TTC39B: variants seen among roughly 807,000 people sequenced by gnomAD.
TTC39B encodes tetratricopeptide repeat domain 39B.
TTC39B carries 92 observed loss-of-function variants against 96.6 expected under a neutral mutation model. That is an observed-to-expected ratio of 0.95 (90% CI 0.80 to 1.13). The LOEUF is 1.13. Ranked by LOEUF, TTC39B falls within the 50% of genes most tolerant of loss-of-function variation. The pLI, the probability that TTC39B is intolerant of heterozygous loss-of-function variation, is 0.00. For missense variants in TTC39B, 955 were observed against 809.3 expected (o/e 1.18, Z -2.18); for synonymous variants, 367 against 299.4 (o/e 1.23, Z -2.33).
At position 15,169,026 on chromosome 9, in the gene TTC39B, A is replaced by C. The variant is rs1365177925; in HGVS notation, c.*2993T>G. ...AATCATAGAGTGACCTCAAAGTTCA[A>C]CTAGTCTAAGCTTGCAGGACAGGCA... On this transcript the variant is annotated 3_prime_UTR_variant, in exon 20 of 20. Coordinates refer to ENST00000512701, the Ensembl canonical transcript of TTC39B. 5 of 152,210 alleles carry C rather than the reference A, an allele frequency of 3.3e-5. No homozygotes were observed. The East Asian group carries it at 9.6e-4, about 29-fold the overall frequency. 9.4% of individuals were successfully genotyped at this position (152,210 alleles called of 1,614,324 possible). A position where few individuals can be genotyped will look rare whatever the true frequency, so the allele number is the denominator to read the frequency against.
At chr9:15,241,089 A>G (rs1372767034) in intron 2 of TTC39B, among the ~76,000 whole-genome samples, 1 of 152,198 alleles carries the variant, frequency 6.6e-6, no homozygotes, top group Non-Finnish European at 1.5e-5. Context: ...TCTTTGGCAG[A>G]TGAGAAAAAT....
At chr9:15,208,878 T>A (rs749719568) in intron 6 of TTC39B, among the ~76,000 whole-genome samples, 6 of 152,224 alleles carry the variant, frequency 3.9e-5, no homozygotes, top group African/African-American at 1.2e-4. Flanking sequence ...AAGTTGATAA[T>A]ACTCATCTAA....
intron 2 of TTC39B, among the ~76,000 whole-genome samples, chr9:15,256,755 C>G (rs1459248969): frequency 6.6e-6 from 1 of 152,120 alleles, no homozygotes; most frequent in African/African-American, 2.4e-5. Flanking sequence ...ACGCTCCAAT[C>G]CGGAGCAGCA....
chr9:15,252,115 A>G (rs1822583114), intron 2 of TTC39B, among the ~76,000 whole-genome samples: 2 of 152,180 alleles, frequency 1.3e-5, no homozygotes, highest in Admixed American at 1.3e-4. Flanking sequence ...AGGCTTTTTC[A>G]AGGAAGGAAA....
intron 7 of TTC39B, among the ~76,000 whole-genome samples, chr9:15,202,817 C>G (rs7876026): frequency 0.29 from 44,497 of 151,838 alleles, 6,782 homozygotes; most frequent in African/African-American, 0.33. Flanking sequence ...ATCTCTACCC[C>G]ACCTCACCCT....
chr9:15,246,083 G>A (rs1280361464), intron 2 of TTC39B, among the ~76,000 whole-genome samples: 1 of 152,034 alleles, frequency 6.6e-6, no homozygotes, highest in African/African-American at 2.4e-5. Flanking sequence ...GAGAAACCCT[G>A]TGTCTAATAA....
At chr9:15,256,802 T>A (rs1201573041) in intron 2 of TTC39B, among the ~76,000 whole-genome samples, 1 of 152,132 alleles carries the variant, frequency 6.6e-6, no homozygotes, top group Admixed American at 6.5e-5. Context: ...ATAAGGCTTG[T>A]GGCTGGAGGG....
chr9:15,245,805 C>G (rs887590648), intron 2 of TTC39B, among the ~76,000 whole-genome samples: 1 of 152,212 alleles, frequency 6.6e-6, no homozygotes, highest in Non-Finnish European at 1.5e-5. Context: ...CTTTCCACAT[C>G]TGTAGACTGA....
intron 2 of TTC39B, among the ~76,000 whole-genome samples, chr9:15,264,308 T>C (rs1351712873): frequency 6.6e-6 from 1 of 152,118 alleles, no homozygotes; most frequent in Non-Finnish European, 1.5e-5. Flanking sequence ...GTATTCAGGA[T>C]TTTTGCTAAA....
chr9:15,223,114 G>A (rs1820937124), intron 3 of TTC39B, among the ~76,000 whole-genome samples: 2 of 152,178 alleles, frequency 1.3e-5, no homozygotes, highest in Non-Finnish European at 2.9e-5. Flanking sequence ...TAGGACAATG[G>A]CAGGAAATTC....
At chr9:15,199,456 C>T (rs1819380994) in intron 8 of TTC39B, among the ~76,000 whole-genome samples, 1 of 151,994 alleles carries the variant, frequency 6.6e-6, no homozygotes, top group African/African-American at 2.4e-5. Flanking sequence ...CCTAGTCAGG[C>T]CAGGCGCGGT....
At chr9:15,210,826 A>T (rs1820154732) in intron 5 of TTC39B, among the ~76,000 whole-genome samples, 2 of 149,766 alleles carry the variant, frequency 1.3e-5, no homozygotes, top group Non-Finnish European at 2.9e-5. Context: ...CTATACACAC[A>T]AAGTAAAGCT....
chr9:15,206,135 T>C (rs1254950679), intron 6 of TTC39B, among the ~76,000 whole-genome samples: 1 of 152,206 alleles, frequency 6.6e-6, no homozygotes, highest in Admixed American at 6.5e-5. Context: ...GAACTTTGTA[T>C]TCTGCAAATA....
intron 1 of TTC39B, among the ~76,000 whole-genome samples, chr9:15,269,915 T>C (rs921903350): frequency 6.0e-5 from 9 of 150,258 alleles, no homozygotes; most frequent in African/African-American, 2.0e-4. Flanking sequence ...ACACCTGTAA[T>C]CCCAACACTT....
At chr9:15,253,442 C>T (rs147068166) in intron 2 of TTC39B, among the ~76,000 whole-genome samples, 1,524 of 152,336 alleles carry the variant, frequency 0.01, 10 homozygotes, top group Non-Finnish European at 0.016. Context: ...AATGGATTCT[C>T]CTCTAGAGCC....
intron 8 of TTC39B, among the ~76,000 whole-genome samples, chr9:15,198,277 T>C (rs1819298471): frequency 6.6e-6 from 1 of 151,770 alleles, no homozygotes; most frequent in Non-Finnish European, 1.5e-5. Context: ...GTCAATATGG[T>C]GAAACCCCGT....
In TTC39B at chr9:15,281,583, C is replaced by T. The variant is rs569063227; in HGVS notation, c.241-13635G>A. On this transcript the variant is annotated intron_variant, in intron 1 of 19. Transcript: ENST00000512701. ...TTCTACATATTAATTTCTGCTAAGACTAAATTATCCTCCACTCCTACCAAC... is the reference window on the plus strand; with the variant it reads ...TTCTACATATTAATTTCTGCTAAGATTAAATTATCCTCCACTCCTACCAAC... 5.0e-5 allele frequency among the ~76,000 whole-genome samples: 6 copies of T among 119,588 alleles called. No homozygotes were observed. The Admixed American group carries it at 6.0e-4, about 12-fold the overall frequency. 78.5% of individuals were successfully genotyped at this position (119,588 alleles called of 152,430 possible). A position where few individuals can be genotyped will look rare whatever the true frequency, so the allele number is the denominator to read the frequency against.
At position 15,288,764 on chromosome 9, in the gene TTC39B, A is replaced by C. The variant is rs183472940; in HGVS notation, c.240+18320T>G. Among the ~76,000 whole-genome samples the C allele has an allele frequency of 3.5e-3, 529 of 152,338 alleles. 1 individual carries two copies. The highest frequency in any genetic ancestry group is 4.9e-3 in the Non-Finnish European group (330 of 68,030). On this transcript the variant is annotated intron_variant, in intron 1 of 19. Coordinates refer to ENST00000512701, the Ensembl canonical transcript of TTC39B. ...ACATGCCACTTGGGCTTTGGGAGTC[A>C]CAGACACCCACCCCTGGATGCTGCC...
intron 1 of TTC39B, among the ~76,000 whole-genome samples, chr9:15,282,572 T>C (rs1157345738): frequency 6.6e-6 from 1 of 152,218 alleles, no homozygotes; most frequent in African/African-American, 2.4e-5. Context: ...TAAAATTCCA[T>C]ATGAGGTGTT....
Sources: gnomAD v4.1 joint callset for allele counts (sites outside exome capture counted in the v4.1 genomes callset) on GRCh38, gnomAD v4.1.1 for gene constraint, MANE v1.5 for transcripts, NCBI Gene and HGNC (gene_info 2026-07-23, HGNC 2026-07-21) for gene names.